Variants in PTBP1 observed in about 807,000 individuals in gnomAD.
PTBP1 encodes the protein polypyrimidine tract-binding protein 1.
In PTBP1, 8 loss-of-function variants were observed where a neutral mutation model predicts 59.8. That is an observed-to-expected ratio of 0.13 (90% CI 0.08 to 0.24). The LOEUF (loss-of-function observed/expected upper bound fraction) is 0.24. Among genes scored for constraint, PTBP1 ranks in the 10% least tolerant of loss-of-function variants. The pLI is 1.00. For synonymous variants in PTBP1, 490 were observed against 320.7 expected, an observed-to-expected ratio of 1.53 and a Z score of -5.64; for missense variants, 686 against 767.0, an observed-to-expected ratio of 0.89 and a Z score of 1.25.
At chr19:797,865 G>C (rs1212737549) in intron 1 of PTBP1, among the ~76,000 whole-genome samples, 1 of 148,750 alleles carries the variant, frequency 6.7e-6, no homozygotes, top group Admixed American at 6.7e-5. Context: ...CGCCCGGATG[G>C]CCCTTCCCGC....
rs541941801 is a variant in PTBP1 at position 799,232 on chromosome 19, T to C, written c.9-181T>C. On this transcript the variant is annotated intron_variant, in intron 1 of 14. Transcript: ENST00000356948. ...GGCCCCTTTTCAAGTTGCAGTCAAGTGGACGGCTCACTTCCCTGCCCTTCT... is the reference window on the plus strand; with the variant it reads ...GGCCCCTTTTCAAGTTGCAGTCAAGCGGACGGCTCACTTCCCTGCCCTTCT... 1.2e-4 allele frequency: 83 copies of C among 718,870 alleles called. 1 individual carries two copies. In the South Asian group the frequency reaches 1.2e-3, roughly 11 times the overall value. 44.5% of individuals were successfully genotyped at this position (718,870 alleles called of 1,614,324 possible). A position where few individuals can be genotyped will look rare whatever the true frequency, so the allele number is the denominator to read the frequency against.
At position 808,355 on chromosome 19, in the gene PTBP1, T is replaced by C. The variant is rs780388928; in HGVS notation, c.1154-5T>C. 2 of 1,592,686 alleles carry C rather than the reference T, an allele frequency of 1.3e-6. No homozygotes were observed. The highest frequency in any genetic ancestry group is 2.3e-5 in the East Asian group (1 of 44,090). ...GACTCAGGCCCCATCCCTGGGCTTT[T>C]GAAGGCGTCTACGGTGACGTGCAGC... On this transcript the variant is annotated splice_polypyrimidine_tract_variant and splice_region_variant and intron_variant, in intron 11 of 14. Coordinates refer to ENST00000356948, the MANE Select transcript of PTBP1 (RefSeq NM_002819.5). This position sits in a 1 kb window ranked among gnomAD's most constrained non-coding sequence, Gnocchi z 4.7.
chr19:806,151 C>G, intron 9 of PTBP1: 2 of 412,482 alleles, frequency 4.8e-6, no homozygotes, highest in Non-Finnish European at 8.6e-6. Flanking sequence ...CTTTTCTGTG[C>G]TGTGGGCGGG....
rs550976488 is a variant in PTBP1, at chr19:799,474, C to A, written c.39+31C>A. ...CACTTCTCACTTTGCTTCTCCGTGA[C>A]GCTCCTCTGACCTTGTGCCGACCCC... On this transcript the variant is annotated intron_variant, in intron 2 of 14. Transcript: ENST00000356948. 5 of 1,612,008 alleles carry A rather than the reference C, an allele frequency of 3.1e-6. No individual in the cohort carries two copies. The East Asian group carries it at 6.7e-5, about 22-fold the overall frequency.
At position 808,301 on chromosome 19, in the gene PTBP1, C is replaced by T. The variant is rs546903797; in HGVS notation, c.1154-59C>T. ...TGGGGGTGCGCGGGGCCGGGGCTGA[C>T]GGGGAGATGGGCGGGGCAGGCAGCA... On this transcript the variant is annotated intron_variant, in intron 11 of 14. Coordinates refer to ENST00000356948, the MANE Select transcript of PTBP1 (RefSeq NM_002819.5). The surrounding 1 kb of genome is among the most constrained non-coding windows in gnomAD (Gnocchi z 4.7). 65 of 1,404,622 alleles carry T rather than the reference C, an allele frequency of 4.6e-5. 1 individual carries two copies. Among genetic ancestry groups the T allele is most frequent in the South Asian group, 9.9e-5 (8 of 81,164 alleles). The allele number at this position is 1,404,622 out of a possible 1,614,324, so 87.0% of individuals were successfully genotyped here.
intron 13 of PTBP1, among the ~76,000 whole-genome samples, chr19:810,263 G>A (rs979892167): frequency 4.6e-5 from 7 of 152,186 alleles, no homozygotes; most frequent in African/African-American, 1.4e-4. Flanking sequence ...CTGAGATCAC[G>A]CCACTGTGCT....
rs924099606 is a variant in PTBP1, at chr19:812,235, C to T, written c.*1409C>T. ...TTTGAGAAACTCCTCCCTTGTCTAG[C>T]CCTGTGTTCGCTGTGGACGCTGTAG... is the stretch of plus-strand genomic sequence containing the variant. On this transcript the variant is annotated 3_prime_UTR_variant, in exon 15 of 15. Coordinates refer to ENST00000356948, the MANE Select transcript of PTBP1 (RefSeq NM_002819.5). 1 of 152,646 alleles carries T rather than the reference C, an allele frequency of 6.6e-6. No homozygotes were observed. The highest frequency in any genetic ancestry group is 2.4e-5 in the African/African-American group (1 of 41,468). 9.5% of individuals were successfully genotyped at this position (152,646 alleles called of 1,614,324 possible).
Position 805,519 on chromosome 19 carries a change from C to G in PTBP1, c.920C>G (p.Pro307Arg). ...FGAPGIISAS[P>R]YAGAGFPPTF... ...GCACCTGGTATAATCTCAGCCTCTC[C>G]GTATGCAGGAGCTGGTTTCCCTCCC... The change falls in exon 9 of 15, where the codon CCG (proline) becomes CGG (arginine). Residue 307 changes from proline to arginine, a missense_variant. Coordinates refer to ENST00000356948, the MANE Select transcript of PTBP1 (RefSeq NM_002819.5). 1 of 1,613,790 alleles carries G rather than the reference C, an allele frequency of 6.2e-7. No individual in the cohort carries two copies. Among genetic ancestry groups the G allele is most frequent in the Non-Finnish European group, 8.5e-7 (1 of 1,179,650 alleles).
At chr19:807,744 C>G (rs1300570690) in intron 10 of PTBP1, 125 bp from the exon 11 acceptor site, 3 of 716,764 alleles carry the variant, frequency 4.2e-6, no homozygotes, top group African/African-American at 3.6e-5. Context: ...CTGACAACTT[C>G]ATCATCCATC....
chr19:810,003 T>C (rs1388531893), intron 13 of PTBP1, among the ~76,000 whole-genome samples: 3 of 152,194 alleles, frequency 2.0e-5, no homozygotes, highest in African/African-American at 7.2e-5. Flanking sequence ...ACTTGTGAAA[T>C]GTTATCAGAA....
At chr19:798,747 C>T (rs2034194233) in intron 1 of PTBP1, among the ~76,000 whole-genome samples, 1 of 152,266 alleles carries the variant, frequency 6.6e-6, no homozygotes, top group South Asian at 2.1e-4. Context: ...GGGTCAGGAC[C>T]TGGCCGGGGC....
rs781734843 is a variant in PTBP1 at position 797,474 on chromosome 19, C to G, written c.-24C>G. On this transcript the variant is annotated 5_prime_UTR_variant, in exon 1 of 15. Coordinates refer to ENST00000356948, the MANE Select transcript of PTBP1 (RefSeq NM_002819.5). Reference sequence around the variant, plus strand: ...GCTATTCCGGCGCCTCCACTCCGTCCCCCGCGGGTCTGCTCTGTGTGCCAT... The same window carrying G: ...GCTATTCCGGCGCCTCCACTCCGTCGCCCGCGGGTCTGCTCTGTGTGCCAT... The G allele has an allele frequency of 8.8e-6, 14 of 1,596,196 alleles. No individual in the cohort carries two copies. Among genetic ancestry groups the G allele is most frequent in the South Asian group, 2.2e-5 (2 of 89,852 alleles).
chr19:809,425 T>G (rs1336407041), intron 13 of PTBP1, among the ~76,000 whole-genome samples: 1 of 152,166 alleles, frequency 6.6e-6, no homozygotes, highest in Non-Finnish European at 1.5e-5. Context: ...CATGCCACTC[T>G]GCTGCCTCAG....
chr19:806,987 C>G (rs561923251), intron 10 of PTBP1: 3 of 157,602 alleles, frequency 1.9e-5, no homozygotes, highest in African/African-American at 7.2e-5. Flanking sequence ...TTAAATTCCC[C>G]TCGGGGAGAG....
intron 13 of PTBP1, among the ~76,000 whole-genome samples, chr19:809,307 C>T (rs1568275589): frequency 1.3e-5 from 2 of 148,846 alleles, no homozygotes; most frequent in East Asian, 2.0e-4. Context: ...CGCCTAGCCA[C>T]ATTTATTTAT....
Position 803,917 on chromosome 19 carries a change from A to C in PTBP1, c.116-119A>C. 5.7e-6 allele frequency: 7 copies of C among 1,219,352 alleles called. No individual in the cohort carries two copies. The Admixed American group carries it at 1.2e-4, about 21-fold the overall frequency. 75.5% of individuals were successfully genotyped at this position (1,219,352 alleles called of 1,614,324 possible). A position where few individuals can be genotyped will look rare whatever the true frequency, so the allele number is the denominator to read the frequency against. ...CCTCTCGCGCTGCTGGTTCACATGCACCCTCCTGGGGCTCAGGGTTGGTCT... is the reference window on the plus strand; with the variant it reads ...CCTCTCGCGCTGCTGGTTCACATGCCCCCTCCTGGGGCTCAGGGTTGGTCT... On this transcript the variant is annotated intron_variant, in intron 3 of 14. Coordinates refer to ENST00000356948, the MANE Select transcript of PTBP1 (RefSeq NM_002819.5).
At chr19:807,824 C>T (rs370886965) in intron 10 of PTBP1, 45 bp from the exon 11 acceptor site, 11 of 1,564,542 alleles carry the variant, frequency 7.0e-6, no homozygotes, top group South Asian at 5.6e-5. Flanking sequence ...CTTGACCTCT[C>T]CCTCTCCCCT....
At chr19:800,137 G>C (rs1275381025) in intron 2 of PTBP1, among the ~76,000 whole-genome samples, 1 of 145,456 alleles carries the variant, frequency 6.9e-6, no homozygotes, top group Admixed American at 7.0e-5. Context: ...ATGGGGTTTC[G>C]AACATTGTTG....
chr19:800,086 C>CTACACAAAAATA, intron 2 of PTBP1, among the ~76,000 whole-genome samples: 1 of 144,236 alleles, frequency 6.9e-6, no homozygotes, highest in Non-Finnish European at 1.5e-5. Flanking sequence ...ACCACCATGC[C>CTACACAAAAATA]CAGCTAATTT....
Sources: gnomAD v4.1 joint callset for allele counts (sites outside exome capture counted in the v4.1 genomes callset) on GRCh38, gnomAD v4.1.1 for gene constraint, Gnocchi (gnomAD v3.1) non-coding constraint, MANE v1.5 for transcripts, NCBI Gene and HGNC (gene_info 2026-07-23, HGNC 2026-07-21) for gene names.